RYR2: variants seen among roughly 807,000 people sequenced by gnomAD.
RYR2 encodes ryanodine receptor 2, also known as cardiac muscle ryanodine receptor-calcium release channel.
RYR2 carries 227 observed loss-of-function variants against 601.1 expected under a neutral mutation model. The ratio of observed to expected loss-of-function variants is 0.38; its 90% CI spans 0.34 to 0.42. The LOEUF (loss-of-function observed/expected upper bound fraction) is 0.42. Ranked by LOEUF, RYR2 falls within the 10% of genes least tolerant of loss-of-function variation. RYR2 has a pLI of 1.00. For synonymous variants in RYR2, 2,223 were observed against 2,175.1 expected (o/e 1.02, Z -0.61); for missense variants, 4,646 against 6,156.5 (o/e 0.75, Z 8.21).
At chr1:237,470,604 T>A (rs1572470943) in intron 17 of RYR2, among the ~76,000 whole-genome samples, 1 of 152,122 alleles carries the variant, frequency 6.6e-6, no homozygotes, top group East Asian at 1.9e-4. Context: ...TATCATAACA[T>A]GAATGTAGTG....
chr1:237,213,855 T>G (rs998108451), intron 1 of RYR2, among the ~76,000 whole-genome samples: 63 of 151,726 alleles, frequency 4.2e-4, no homozygotes, highest in African/African-American at 1.4e-3. Context: ...CTTTAATTTT[T>G]TTTTCCCCAA....
intron 1 of RYR2, among the ~76,000 whole-genome samples, chr1:237,050,096 C>T (rs1661067735): frequency 6.6e-6 from 1 of 152,126 alleles, no homozygotes; most frequent in Admixed American, 6.5e-5. Flanking sequence ...AGGACCTACA[C>T]GTAATTGCTT....
rs1573761469 is a variant in RYR2 at position 237,742,362 on chromosome 1, T to C, written c.11145+13T>C. ...GAAGAGTTTTGAAGTAAGATGGATC[T>C]TTCTGGATTTGCCTTTCTTTCTATC... is the stretch of plus-strand genomic sequence containing the variant. On this transcript the variant is annotated intron_variant, in intron 80 of 104. Transcript: ENST00000366574. The C allele has an allele frequency of 1.3e-6, 2 of 1,544,942 alleles. No individual in the cohort carries two copies. The highest frequency in any genetic ancestry group is 8.8e-7 in the Non-Finnish European group (1 of 1,132,140).
At chr1:237,716,196 T>C (rs1286236046) in intron 71 of RYR2, among the ~76,000 whole-genome samples, 1 of 152,128 alleles carries the variant, frequency 6.6e-6, no homozygotes, top group Admixed American at 6.5e-5. Flanking sequence ...GTTTCACTAC[T>C]TTCACTATGG....
intron 2 of RYR2, among the ~76,000 whole-genome samples, chr1:237,324,977 T>C (rs1247567914): frequency 1.3e-5 from 2 of 152,202 alleles, no homozygotes; most frequent in Non-Finnish European, 2.9e-5. Context: ...CCTGTATCCC[T>C]ATAGTGTATG....
Position 237,783,748 on chromosome 1 carries a change from G to T in RYR2, c.12036G>T (p.Met4012Ile). The change falls in exon 90 of 105, where the codon ATG becomes ATT. Residue 4012 changes from methionine to isoleucine, a missense_variant. Transcript: ENST00000366574. Reference protein sequence around the residue: ...MLVESSNNVEMILKFFDMFLK... With the variant: ...MLVESSNNVEIILKFFDMFLK... ...TGGAATCTTCCAACAACGTGGAGAT[G>T]ATTCTCAAATTTTTTGACATGTTCT... 1 of 1,612,734 alleles carries T rather than the reference G, an allele frequency of 6.2e-7. No individual in the cohort carries two copies. Among genetic ancestry groups the T allele is most frequent in the South Asian group, 1.1e-5 (1 of 90,696 alleles).
intron 3 of RYR2, among the ~76,000 whole-genome samples, chr1:237,345,547 A>T (rs1673944231): frequency 6.6e-6 from 1 of 151,938 alleles, no homozygotes; most frequent in Non-Finnish European, 1.5e-5. Flanking sequence ...GAAAACACTG[A>T]AACAGTATTA....
intron 1 of RYR2, among the ~76,000 whole-genome samples, chr1:237,181,872 C>T (rs1331035335): frequency 2.6e-5 from 4 of 152,072 alleles, no homozygotes; most frequent in African/African-American, 7.2e-5. Context: ...TGATTAGTTC[C>T]GTGATGGTTA....
At chr1:237,718,349 A>G (rs1558281392) in intron 72 of RYR2, 113 bp from the exon 73 acceptor site, 1 of 511,650 alleles carries the variant, frequency 2.0e-6, no homozygotes, top group South Asian at 4.2e-5. Context: ...GTAATTTTAT[A>G]AAGATGTTTC....
intron 11 of RYR2, among the ~76,000 whole-genome samples, chr1:237,418,201 C>A (rs1558784955): frequency 1.3e-5 from 2 of 152,074 alleles, no homozygotes; most frequent in African/African-American, 4.8e-5. Flanking sequence ...TGCCACCACG[C>A]CCAGCTAATT....
chr1:237,042,379 C>T lies in RYR2; in HGVS notation c.-143C>T, dbSNP rs574300164. 177 of 795,956 alleles carry T rather than the reference C, an allele frequency of 2.2e-4. No homozygotes were observed. In the African/African-American group the frequency reaches 2.9e-3, roughly 13 times the overall value. The allele number at this position is 795,956 out of a possible 1,614,324, so 49.3% of individuals were successfully genotyped here. On this transcript the variant is annotated 5_prime_UTR_variant, in exon 1 of 105. Coordinates refer to ENST00000366574, the MANE Select transcript of RYR2 (RefSeq NM_001035.3). ...CCTCCTCCGCTCTGCAGGCGGGGAC[C>T]GCCCGGCGCTCGGCACCCGGCAGCG...
chr1:237,374,705 T>C lies in RYR2; in HGVS notation c.385-12T>C, dbSNP rs1353405593. The C allele has an allele frequency of 6.2e-7, 1 of 1,605,896 alleles. No individual in the cohort carries two copies. Among genetic ancestry groups the C allele is most frequent in the Non-Finnish European group, 8.5e-7 (1 of 1,174,646 alleles). On this transcript the variant is annotated splice_polypyrimidine_tract_variant and intron_variant, in intron 6 of 104. Transcript: ENST00000366574. ...AACCTCTACTTACAACTACTGATTTTGTACTTTGTAGTATCTGTGCTGCCT... is the reference window on the plus strand; with the variant it reads ...AACCTCTACTTACAACTACTGATTTCGTACTTTGTAGTATCTGTGCTGCCT...
At chr1:237,494,497 C>G (rs531847411) in intron 19 of RYR2, among the ~76,000 whole-genome samples, 1 of 152,212 alleles carries the variant, frequency 6.6e-6, no homozygotes, top group East Asian at 1.9e-4. Context: ...GAGGATGGGT[C>G]GGCCTCTCCC....
At chr1:237,143,421 C>T (rs1337454063) in intron 1 of RYR2, among the ~76,000 whole-genome samples, 1 of 152,168 alleles carries the variant, frequency 6.6e-6, no homozygotes, top group Admixed American at 6.5e-5. Flanking sequence ...GACCCTGTAA[C>T]TCAACTTTGG....
At position 237,208,926 on chromosome 1, in the gene RYR2, A is replaced by ATGTGTG. The variant is rs143152668; in HGVS notation, c.49-61565_49-61560dup. Among the ~76,000 whole-genome samples, 365 of 87,288 alleles carry ATGTGTG rather than the reference A, an allele frequency of 4.2e-3. 18 individuals carry two copies. Among genetic ancestry groups the ATGTGTG allele is most frequent in the Middle Eastern group, 6.7e-3 (1 of 150 alleles). 57.3% of individuals were successfully genotyped at this position (87,288 alleles called of 152,430 possible). ...TACTCTCTCTCATCTGTACAACCAA[A>ATGTGTG]TGTGTGTGTGTATATATATATATAT... is the stretch of plus-strand genomic sequence containing the variant. On this transcript the variant is annotated intron_variant, in intron 1 of 104. Transcript: ENST00000366574.
At chr1:237,426,604 A>C (rs999264977) in intron 12 of RYR2, among the ~76,000 whole-genome samples, 1 of 152,222 alleles carries the variant, frequency 6.6e-6, no homozygotes, top group African/African-American at 2.4e-5. Flanking sequence ...TTAAAATGGC[A>C]TTCAGCTTAT....
At chr1:237,521,434 G>A (rs548843369) in intron 24 of RYR2, among the ~76,000 whole-genome samples, 3 of 152,202 alleles carry the variant, frequency 2.0e-5, no homozygotes, top group African/African-American at 4.8e-5. Context: ...GGCCAGGCAC[G>A]GTGGGTCACC....
chr1:237,543,209 G>T (rs1375634591), intron 25 of RYR2, among the ~76,000 whole-genome samples: 7 of 152,076 alleles, frequency 4.6e-5, no homozygotes, highest in Non-Finnish European at 1.0e-4. Flanking sequence ...GAGAGCAGTG[G>T]ATACTTCATG....
At chr1:237,088,192 A>G (rs1666565698) in intron 1 of RYR2, among the ~76,000 whole-genome samples, 1 of 152,130 alleles carries the variant, frequency 6.6e-6, no homozygotes, top group South Asian at 2.1e-4. Flanking sequence ...GCCAGCTGTA[A>G]AGGCGTGTAA....
Sources: allele counts gnomAD v4.1 joint callset (sites outside exome capture counted in the v4.1 genomes callset), GRCh38; gene constraint gnomAD v4.1.1; transcripts MANE v1.5; gene names NCBI Gene and HGNC (gene_info 2026-07-23, HGNC 2026-07-21).